The following MLYCD variants were observed in gnomAD, a reference collection of about 807,000 sequenced individuals.
MLYCD encodes the protein malonyl-CoA decarboxylase, also known as malonyl-CoA decarboxylase, mitochondrial.
In MLYCD, 27 loss-of-function variants were observed where a neutral mutation model predicts 35.8. The ratio of observed to expected loss-of-function variants is 0.75; its 90% confidence interval spans 0.56 to 1.04. The LOEUF (loss-of-function observed/expected upper bound fraction) is 1.04, where lower values mean the gene tolerates loss of function less well. MLYCD is among the 50% of genes least tolerant of loss of function. MLYCD has a pLI of 0.00. For missense variants in MLYCD, 917 were observed against 665.1 expected (o/e 1.38, Z -4.17); for synonymous variants, 403 against 302.4 (o/e 1.33, Z -3.45).
chr16:83,899,564 C>A lies in MLYCD; in HGVS notation c.420C>A (p.Leu140=), dbSNP rs771249439. The part of the protein sequence containing the change: ...RYALVPRYRG[L]FHHISKLDGG... ...CGCTGGTGCCGCGCTATCGCGGCCT[C>A]TTCCACCACATCAGCAAGCTGGACG... is the stretch of plus-strand genomic sequence containing the variant. The change falls in exon 1 of 5, where the codon CTC becomes CTA. Residue 140 remains leucine, a synonymous_variant. Coordinates refer to ENST00000262430, the MANE Select transcript of MLYCD (RefSeq NM_012213.3). 1 of 1,593,450 alleles carries A rather than the reference C, an allele frequency of 6.3e-7. No individual in the cohort carries two copies. The highest frequency in any genetic ancestry group is 8.5e-7 in the Non-Finnish European group (1 of 1,177,800).
At chr16:83,913,307 C>CA (rs1907247730) in intron 4 of MLYCD, 1 of 152,244 alleles carries the variant, frequency 6.6e-6, no homozygotes, top group Non-Finnish European at 1.5e-5. Flanking sequence ...ATTCCTCTGT[C>CA]TTCACTGAGG....
chr16:83,914,725 G>C (rs1907309392), intron 4 of MLYCD: 1 of 566,348 alleles, frequency 1.8e-6, no homozygotes, highest in African/African-American at 1.9e-5. Flanking sequence ...GCTGCAGTGA[G>C]CCATGATGAC....
At chr16:83,912,137 C>T in intron 3 of MLYCD, 81 bp from the exon 4 acceptor site, 1 of 1,589,184 alleles carries the variant, frequency 6.3e-7, no homozygotes, top group Non-Finnish European at 8.6e-7. Context: ...TGAGAATTGT[C>T]TTCTCGTCCC....
rs1417413287 is a variant in MLYCD, at chr16:83,926,889, A to C, written c.*11400A>C. On this transcript the variant is annotated 3_prime_UTR_variant, in exon 5 of 5. Coordinates refer to ENST00000262430, the MANE Select transcript of MLYCD (RefSeq NM_012213.3). ...CCTCTGCTCTGCGCTTGGGCGCTGA[A>C]TGTTAAAATTCCTAACAGGTGAATC... 6.6e-6 allele frequency: 1 copy of C among 152,240 alleles called. No individual in the cohort carries two copies. Among genetic ancestry groups the C allele is most frequent in the South Asian group, 2.1e-4 (1 of 4,836 alleles). The allele number at this position is 152,240 out of a possible 1,614,324, so 9.4% of individuals were successfully genotyped here. A position where few individuals can be genotyped will look rare whatever the true frequency, so the allele number is the denominator to read the frequency against.
At position 83,920,877 on chromosome 16, in the gene MLYCD, A is replaced by C. The variant is rs1567640206; in HGVS notation, c.*5388A>C. ...ATTTAGCAGGTCCTCAATGAACATT[A>C]GATGGATGGATGGAAGGAAGGAAGA... On this transcript the variant is annotated 3_prime_UTR_variant, in exon 5 of 5. Coordinates refer to ENST00000262430, the MANE Select transcript of MLYCD (RefSeq NM_012213.3). The C allele has an allele frequency of 6.6e-6, 1 of 151,986 alleles. No homozygotes were observed. The highest frequency in any genetic ancestry group is 2.1e-4 in the South Asian group (1 of 4,818). 9.4% of individuals were successfully genotyped at this position (151,986 alleles called of 1,614,324 possible).
rs1221031771 is a variant in MLYCD, at chr16:83,918,003, G to GA, written c.*2514_*2515insA. ...GCCGAGGCTTTGGCTCACCAGAGGA[G>GA]TTTGTAGATGTCAGTCATCCCCAAG... On this transcript the variant is annotated 3_prime_UTR_variant, in exon 5 of 5. Coordinates refer to ENST00000262430, the MANE Select transcript of MLYCD (RefSeq NM_012213.3). The GA allele has an allele frequency of 4.6e-5, 7 of 152,232 alleles. No individual in the cohort carries two copies. Among genetic ancestry groups the GA allele is most frequent in the African/African-American group, 1.7e-4 (7 of 41,448 alleles). 9.4% of individuals were successfully genotyped at this position (152,232 alleles called of 1,614,324 possible). A position where few individuals can be genotyped will look rare whatever the true frequency, so the allele number is the denominator to read the frequency against.
intron 3 of MLYCD, chr16:83,911,956 T>C (rs1004698798): frequency 4.0e-6 from 2 of 497,108 alleles, no homozygotes; most frequent in Non-Finnish European, 7.3e-6. Context: ...CATACATTGC[T>C]CTTCAACAAA....
chr16:83,914,858 A>G (rs1907313922), intron 4 of MLYCD, 98 bp from the exon 5 acceptor site: 1 of 1,515,836 alleles, frequency 6.6e-7, no homozygotes, highest in Non-Finnish European at 9.2e-7. Flanking sequence ...ACACAGCAGC[A>G]TGTGAGCCGT....
intron 1 of MLYCD, among the ~76,000 whole-genome samples, chr16:83,903,898 G>A (rs189535167): frequency 1.3e-3 from 191 of 152,240 alleles, no homozygotes; most frequent in Non-Finnish European, 2.3e-3. Context: ...ATTAACGCAC[G>A]TACAGTTGCA....
chr16:83,915,824 C>T lies in MLYCD; in HGVS notation c.*335C>T. The T allele has an allele frequency of 8.1e-7, 1 of 1,238,812 alleles. No individual in the cohort carries two copies. The highest frequency in any genetic ancestry group is 1.0e-6 in the Non-Finnish European group (1 of 977,164). 76.7% of individuals were successfully genotyped at this position (1,238,812 alleles called of 1,614,324 possible). A position where few individuals can be genotyped will look rare whatever the true frequency, so the allele number is the denominator to read the frequency against. ...CTTCAGGAAGCTGTGCAGCCTCTGC[C>T]ATTGCCATCCCAGGGGGATCTGGCA... On this transcript the variant is annotated 3_prime_UTR_variant, in exon 5 of 5. Coordinates refer to ENST00000262430, the MANE Select transcript of MLYCD (RefSeq NM_012213.3).
At chr16:83,902,549 A>G (rs549806067) in intron 1 of MLYCD, among the ~76,000 whole-genome samples, 2 of 131,142 alleles carry the variant, frequency 1.5e-5, no homozygotes, top group African/African-American at 5.7e-5. Flanking sequence ...TCTGTTGCCC[A>G]GGCTGGAGTG....
chr16:83,909,776 C>A (rs973232793), intron 3 of MLYCD, among the ~76,000 whole-genome samples: 4 of 151,668 alleles, frequency 2.6e-5, no homozygotes, highest in African/African-American at 7.3e-5. Flanking sequence ...GCATGTGCCA[C>A]CATGCCCAGC....
chr16:83,908,163 A>G lies in MLYCD; in HGVS notation c.679A>G (p.Met227Val). The change falls in exon 3 of 5, where the codon ATG becomes GTG. Residue 227 changes from methionine (M) to valine (V), a missense_variant. Met to Val is a conservative substitution (Grantham distance 21, BLOSUM62 1). Coordinates refer to ENST00000262430, the MANE Select transcript of MLYCD (RefSeq NM_012213.3). ...AVHPVKNWMDMKRRVGPYRRC... is the reference protein window; with the variant it reads ...AVHPVKNWMDVKRRVGPYRRC... ...GCATCCTGTAAAAAACTGGATGGACATGAAGCGCCGCGTTGGGCCCTACAG... is the reference window on the plus strand; with the variant it reads ...GCATCCTGTAAAAAACTGGATGGACGTGAAGCGCCGCGTTGGGCCCTACAG... 1 of 1,614,234 alleles carries G rather than the reference A, an allele frequency of 6.2e-7. No homozygotes were observed. Among genetic ancestry groups the G allele is most frequent in the Non-Finnish European group, 8.5e-7 (1 of 1,180,042 alleles).
chr16:83,922,648 G>T lies in MLYCD; in HGVS notation c.*7159G>T, dbSNP rs1907691842. On this transcript the variant is annotated 3_prime_UTR_variant, in exon 5 of 5. Transcript: ENST00000262430. Reference sequence around the variant, plus strand: ...CATAGTACCGACCCCACAGCCTGCTGAGAGGCTCAAAGGAGACGATGTATA... The same window carrying T: ...CATAGTACCGACCCCACAGCCTGCTTAGAGGCTCAAAGGAGACGATGTATA... The T allele has an allele frequency of 6.6e-6, 1 of 152,280 alleles. No individual in the cohort carries two copies. Among genetic ancestry groups the T allele is most frequent in the African/African-American group, 2.4e-5 (1 of 41,456 alleles). The allele number at this position is 152,280 out of a possible 1,614,324, so 9.4% of individuals were successfully genotyped here.
Position 83,916,209 on chromosome 16 carries a change from T to C in MLYCD, c.*720T>C, listed in dbSNP as rs911862880. 1.3e-5 allele frequency: 13 copies of C among 987,586 alleles called. No homozygotes were observed. In the African/African-American group the frequency reaches 1.9e-4, roughly 15 times the overall value. The allele number at this position is 987,586 out of a possible 1,614,324, so 61.2% of individuals were successfully genotyped here. ...ATCTGATTGTGTAGTGGTGGTCGTCTTTAAGATTAGAGACCTGGGAAGGCT... is the reference window on the plus strand; with the variant it reads ...ATCTGATTGTGTAGTGGTGGTCGTCCTTAAGATTAGAGACCTGGGAAGGCT... On this transcript the variant is annotated 3_prime_UTR_variant, in exon 5 of 5. Coordinates refer to ENST00000262430, the MANE Select transcript of MLYCD (RefSeq NM_012213.3).
chr16:83,903,203 T>G (rs1370012665), intron 1 of MLYCD, among the ~76,000 whole-genome samples: 1 of 152,060 alleles, frequency 6.6e-6, no homozygotes, highest in Admixed American at 6.6e-5. Context: ...TGCTCCAACC[T>G]TAACAGAGGC....
At position 83,924,476 on chromosome 16, in the gene MLYCD, C is replaced by G. The variant is rs563271530; in HGVS notation, c.*8987C>G. On this transcript the variant is annotated 3_prime_UTR_variant, in exon 5 of 5. Transcript: ENST00000262430. The stretch of plus-strand genomic sequence containing the variant: ...CTGTGACAGAGGCTTGAACCCCCGG[C>G]TTGTTCTCTCACGTCTGTTGCCGTA... 3.9e-5 allele frequency: 6 copies of G among 152,312 alleles called. No individual in the cohort carries two copies. The South Asian group carries it at 1.0e-3, about 26-fold the overall frequency. The allele number at this position is 152,312 out of a possible 1,614,324, so 9.4% of individuals were successfully genotyped here. A position where few individuals can be genotyped will look rare whatever the true frequency, so the allele number is the denominator to read the frequency against.
Position 83,899,593 on chromosome 16 carries a change from G to A in MLYCD, c.449G>A (p.Gly150Asp), listed in dbSNP as rs941853148. ...CACCACATCAGCAAGCTGGACGGCG[G>A]CGTGCGCTTCCTGGTGCAGCTGCGG... is the stretch of plus-strand genomic sequence containing the variant. ...LFHHISKLDGGVRFLVQLRAD... is the reference protein window; with the variant it reads ...LFHHISKLDGDVRFLVQLRAD... The change falls in exon 1 of 5, where the codon GGC (glycine) becomes GAC (aspartate). Residue 150 changes from glycine to aspartate, a missense_variant. Coordinates refer to ENST00000262430, the MANE Select transcript of MLYCD (RefSeq NM_012213.3). 1.8e-5 allele frequency: 29 copies of A among 1,588,782 alleles called. No homozygotes were observed. The highest frequency in any genetic ancestry group is 2.5e-5 in the Non-Finnish European group (29 of 1,175,742).
intron 3 of MLYCD, among the ~76,000 whole-genome samples, chr16:83,910,363 G>A (rs1238739035): frequency 6.6e-6 from 1 of 151,888 alleles, no homozygotes; most frequent in African/African-American, 2.4e-5. Flanking sequence ...TTTGCATAAG[G>A]AATCACAAGA....
Sources: gnomAD v4.1 joint callset for allele counts (sites outside exome capture counted in the v4.1 genomes callset) on GRCh38, gnomAD v4.1.1 for gene constraint, MANE v1.5 for transcripts, NCBI Gene and HGNC (gene_info 2026-07-23, HGNC 2026-07-21) for gene names.